Variants in ZNF682 observed in about 807,000 individuals in gnomAD.
ZNF682 encodes the protein zinc finger protein 682.
In ZNF682, 29 loss-of-function variants were observed where a neutral mutation model predicts 36.5. The observed-to-expected ratio is 0.80, with a 90% CI of 0.59 to 1.08. ZNF682 has a LOEUF of 1.08. Ranked by LOEUF, ZNF682 falls within the 50% of genes least tolerant of loss-of-function variation. ZNF682 has a pLI of 0.00. For missense variants in ZNF682, 561 were observed against 579.7 expected, an observed-to-expected ratio of 0.97 and a Z score of 0.33; for synonymous variants, 180 against 197.0, an observed-to-expected ratio of 0.91 and a Z score of 0.72.
chr19:20,028,866 C>T (rs2088455094), intron 1 of ZNF682, among the ~76,000 whole-genome samples: 1 of 152,116 alleles, frequency 6.6e-6, no homozygotes, highest in Non-Finnish European at 1.5e-5. Context: ...GGGAAGATGA[C>T]ATAATGTGAA....
chr19:20,032,323 C>A (rs2088486313), intron 1 of ZNF682, among the ~76,000 whole-genome samples: 1 of 152,094 alleles, frequency 6.6e-6, no homozygotes, highest in Admixed American at 6.6e-5. Flanking sequence ...TATGTGTAAC[C>A]CTGACAGGGT....
At chr19:20,017,283 T>G (rs970339283) in intron 3 of ZNF682, among the ~76,000 whole-genome samples, 4 of 152,196 alleles carry the variant, frequency 2.6e-5, no homozygotes, top group African/African-American at 9.6e-5. Flanking sequence ...CTGAATGAGT[T>G]AAAAACAAAA....
chr19:20,015,188 G>C, intron 3 of ZNF682: 3 of 984,916 alleles, frequency 3.0e-6, no homozygotes, highest in Non-Finnish European at 3.6e-6. Flanking sequence ...CAAATCACAA[G>C]TGTTTCTCTC....
At chr19:20,014,794 A>G (rs1056005338) in intron 3 of ZNF682, among the ~76,000 whole-genome samples, 1 of 151,654 alleles carries the variant, frequency 6.6e-6, no homozygotes, top group Non-Finnish European at 1.5e-5. Flanking sequence ...AAAAAAAAAA[A>G]GCAGGAAATC....
At position 20,024,370 on chromosome 19, in the gene ZNF682, A is replaced by G. The variant is rs780084496; in HGVS notation, c.10T>C (p.Leu4=). 3.7e-6 allele frequency: 6 copies of G among 1,608,658 alleles called. No homozygotes were observed. In the African/African-American group the frequency reaches 8.0e-5, roughly 22 times the overall value. ...TCTATGGTCACATCCCTGAATGTCA[A>G]CAGTTCCTGAAAAACAAAACAAAAC... MEL[L]TFRDVTIEFS... The change falls in exon 2 of 4, where the codon TTG becomes CTG. Residue 4 remains leucine, a synonymous_variant. Coordinates refer to ENST00000397165, the MANE Select transcript of ZNF682 (RefSeq NM_033196.3).
At chr19:20,031,824 C>T (rs1214992209) in intron 1 of ZNF682, among the ~76,000 whole-genome samples, 1 of 150,888 alleles carries the variant, frequency 6.6e-6, no homozygotes, top group Non-Finnish European at 1.5e-5. Flanking sequence ...TGCCTGTAGT[C>T]CCAGCTACTC....
intron 3 of ZNF682, among the ~76,000 whole-genome samples, chr19:20,009,242 AAAAACAGAATAG>A (rs2088260228): frequency 6.6e-6 from 1 of 152,208 alleles, no homozygotes; most frequent in Admixed American, 6.5e-5. Flanking sequence ...TGAAAGCCTT[AAAAACAGAATAG>A]ACTAAGCAGA....
chr19:20,014,778 C>CAAAA lies in ZNF682; in HGVS notation c.227-7507_227-7504dup, dbSNP rs554191306. On this transcript the variant is annotated intron_variant, in intron 3 of 3. Coordinates refer to ENST00000397165, the MANE Select transcript of ZNF682 (RefSeq NM_033196.3). ...CTGGCAACAGAGCGAGACTCCATCTCAAAAAAAAAAAAAAAAGCAGGAAAT... is the reference window on the plus strand; with the variant it reads ...CTGGCAACAGAGCGAGACTCCATCTCAAAAAAAAAAAAAAAAAAAAGCAGGAAAT... 1.1e-3 allele frequency among the ~76,000 whole-genome samples: 77 copies of CAAAA among 72,116 alleles called. 1 individual carries two copies. The highest frequency in any genetic ancestry group is 2.9e-3 in the African/African-American group (71 of 24,168). The allele number at this position is 72,116 out of a possible 152,430, so 47.3% of individuals were successfully genotyped here.
intron 2 of ZNF682, among the ~76,000 whole-genome samples, 175 bp downstream of exon 2, chr19:20,024,075 A>G (rs1015511020): frequency 3.9e-5 from 6 of 152,352 alleles, no homozygotes; most frequent in African/African-American, 1.4e-4. Flanking sequence ...GTTAATGTAA[A>G]CATAAAACAT....
chr19:20,006,391 A>G lies in ZNF682; in HGVS notation c.1111T>C (p.Cys371Arg). 1.2e-6 allele frequency: 2 copies of G among 1,613,106 alleles called. No homozygotes were observed. Among genetic ancestry groups the G allele is most frequent in the Non-Finnish European group, 1.7e-6 (2 of 1,179,828 alleles). ...VIHSGEKPYK[C>R]EKCDKVFKRF... ...TTAAAGACTTTGTCACATTTTTCAC[A>G]TTTGTAGGGTTTCTCTCCGCTATGA... is the stretch of plus-strand genomic sequence containing the variant. Residue 371 changes from cysteine (C) to arginine (R), a missense_variant, in exon 4 of 4, where the codon TGT becomes CGT. Transcript: ENST00000397165.
At chr19:20,020,209 A>G (rs1273894283) in intron 3 of ZNF682, among the ~76,000 whole-genome samples, 1 of 152,154 alleles carries the variant, frequency 6.6e-6, no homozygotes, top group African/African-American at 2.4e-5. Flanking sequence ...TTTAAAAAAT[A>G]AAATTAGGCC....
At chr19:20,032,994 G>A (rs775218662) in intron 1 of ZNF682, among the ~76,000 whole-genome samples, 4 of 152,156 alleles carry the variant, frequency 2.6e-5, no homozygotes, top group Admixed American at 6.5e-5. Flanking sequence ...TGCCAGGTGC[G>A]GTGGCTCACT....
downstream of ZNF682, among the ~76,000 whole-genome samples, chr19:20,001,017 T>C (rs938025968): frequency 6.6e-6 from 1 of 152,250 alleles, no homozygotes; most frequent in South Asian, 2.1e-4. Context: ...ATATGGAAAC[T>C]CTCTGACCTC....
intron 3 of ZNF682, among the ~76,000 whole-genome samples, chr19:20,018,332 GAT>G (rs1393156071): frequency 8.6e-5 from 13 of 151,698 alleles, no homozygotes; most frequent in African/African-American, 3.1e-4. Flanking sequence ...CTGACCTCGT[GAT>G]CCGCCCGCCT....
downstream of ZNF682, among the ~76,000 whole-genome samples, chr19:19,996,067 T>C (rs1490867898): frequency 6.6e-6 from 1 of 152,150 alleles, no homozygotes; most frequent in Non-Finnish European, 1.5e-5. Flanking sequence ...CCTTGGTTCA[T>C]TGTATTGAAA....
intron 3 of ZNF682, among the ~76,000 whole-genome samples, chr19:20,016,284 C>CATA (rs2088333939): frequency 6.6e-6 from 1 of 152,034 alleles, no homozygotes; most frequent in Non-Finnish European, 1.5e-5. Context: ...GATCACAGGG[C>CATA]ATAGAGAGAA....
At chr19:20,039,236 A>G in intron 1 of ZNF682, 107 bp downstream of exon 1, 3 of 1,543,356 alleles carry the variant, frequency 1.9e-6, no homozygotes, top group Non-Finnish European at 2.6e-6. Flanking sequence ...TCCAGTCCGC[A>G]GACTCCGGAG....
chr19:20,010,096 C>T (rs2088270246), intron 3 of ZNF682, among the ~76,000 whole-genome samples: 1 of 151,830 alleles, frequency 6.6e-6, no homozygotes, highest in Non-Finnish European at 1.5e-5. Context: ...AACTAAGTTT[C>T]ATAAGCAAAG....
At chr19:20,016,661 T>C (rs2088336914) in intron 3 of ZNF682, among the ~76,000 whole-genome samples, 1 of 151,882 alleles carries the variant, frequency 6.6e-6, no homozygotes, top group African/African-American at 2.4e-5. Flanking sequence ...AAAAGCAAAA[T>C]AATACTGCCA....
Sources: allele counts gnomAD v4.1 joint callset (sites outside exome capture counted in the v4.1 genomes callset), GRCh38; gene constraint gnomAD v4.1.1; transcripts MANE v1.5; gene names NCBI Gene and HGNC (gene_info 2026-07-23, HGNC 2026-07-21).